The following TNFRSF1B variants were observed in gnomAD, a reference collection of about 807,000 sequenced individuals.
The protein encoded by TNFRSF1B is tumor necrosis factor receptor superfamily member 1B.
Under a neutral mutation model 44.6 loss-of-function variants are expected in TNFRSF1B, and 19 were observed. The observed-to-expected ratio is 0.43, with a 90% confidence interval of 0.30 to 0.62. The LOEUF (loss-of-function observed/expected upper bound fraction) is 0.62, where lower values mean the gene tolerates loss of function less well. TNFRSF1B is among the 20% of genes least tolerant of loss of function. The probability of loss-of-function intolerance (pLI) is 0.16; values close to 1 mark genes in which losing one functional copy is unlikely to be tolerated. For synonymous variants in TNFRSF1B, 252 were observed against 261.1 expected, an observed-to-expected ratio of 0.97 and a Z score of 0.34; for missense variants, 541 against 619.9, an observed-to-expected ratio of 0.87 and a Z score of 1.35.
chr1:12,194,114 C>A, intron 7 of TNFRSF1B, 82 bp downstream of exon 7: 2 of 1,156,002 alleles, frequency 1.7e-6, no homozygotes, highest in Non-Finnish European at 2.6e-6. Flanking sequence ...GCACTGGGCA[C>A]AGCCTTAGGG....
At position 12,207,175 on chromosome 1, in the gene TNFRSF1B, C is replaced by A; in HGVS notation, c.*155C>A. The A allele has an allele frequency of 1.4e-6, 1 of 725,554 alleles. No individual in the cohort carries two copies. Among genetic ancestry groups the A allele is most frequent in the Non-Finnish European group, 2.1e-6 (1 of 483,440 alleles). The allele number at this position is 725,554 out of a possible 1,614,324, so 44.9% of individuals were successfully genotyped here. On this transcript the variant is annotated 3_prime_UTR_variant, in exon 10 of 10. Transcript: ENST00000376259. ...TAGTGCCCTCCACAGCCGCAGCCTC[C>A]CTCTGACCTGCAGGCCAAGAGCAGA... is the stretch of plus-strand genomic sequence containing the variant.
chr1:12,184,243 C>T (rs1051945049), intron 1 of TNFRSF1B, among the ~76,000 whole-genome samples: 17 of 152,220 alleles, frequency 1.1e-4, no homozygotes, highest in African/African-American at 3.6e-4. Flanking sequence ...TTGGGCCCAG[C>T]CCCCTGCTCC....
At position 12,169,777 on chromosome 1, in the gene TNFRSF1B, A is replaced by G. The variant is rs1336963998; in HGVS notation, c.78+2608A>G. Among the ~76,000 whole-genome samples the G allele has an allele frequency of 4.6e-5, 7 of 152,268 alleles. No individual in the cohort carries two copies. The highest frequency in any genetic ancestry group is 4.1e-4 in the South Asian group (2 of 4,838). ...ACAAAGAAATGCCAGTAAACCTGGC[A>G]GTAGGTGAGTGCTTGGTGCCCTCTG... On this transcript the variant is annotated intron_variant, in intron 1 of 9. Transcript: ENST00000376259. The surrounding 1 kb of genome is among the most constrained non-coding windows in gnomAD (Gnocchi z 4.5).
At chr1:12,203,659 G>T (rs1326916160) in intron 9 of TNFRSF1B, among the ~76,000 whole-genome samples, 1 of 152,220 alleles carries the variant, frequency 6.6e-6, no homozygotes, top group East Asian at 1.9e-4. Context: ...ACTGTTGAAT[G>T]AATGAATGAA....
At chr1:12,194,126 T>A (rs1639213498) in intron 7 of TNFRSF1B, 94 bp downstream of exon 7, 2 of 1,031,324 alleles carry the variant, frequency 1.9e-6, no homozygotes, top group Non-Finnish European at 3.0e-6. Flanking sequence ...GCCTTAGGGG[T>A]CAGACAGAGC....
intron 9 of TNFRSF1B, 132 bp downstream of exon 9, chr1:12,202,303 CG>C: frequency 1.3e-5 from 18 of 1,371,682 alleles, no homozygotes; most frequent in Non-Finnish European, 1.6e-5. Flanking sequence ...GAACTTCCTT[CG>C]GTTCGCTGAA....
rs595254 is a variant in TNFRSF1B, at chr1:12,168,753, G to C, written c.78+1584G>C. On this transcript the variant is annotated intron_variant, in intron 1 of 9. Transcript: ENST00000376259. This position sits in a 1 kb window ranked among gnomAD's most constrained non-coding sequence, Gnocchi z 4.7. ...CTCCTCCCTCATCCCTGCTCCCCACGACCCCACCCGGACTATTGCCGCAGC... is the reference window on the plus strand; with the variant it reads ...CTCCTCCCTCATCCCTGCTCCCCACCACCCCACCCGGACTATTGCCGCAGC... Among the ~76,000 whole-genome samples the C allele has an allele frequency of 0.11, 16,973 of 151,810 alleles. 2,398 individuals are homozygous for C. The highest frequency in any genetic ancestry group is 0.34 in the African/African-American group (13,879 of 41,308).
In TNFRSF1B at chr1:12,199,578, C is replaced by T; in HGVS notation, c.901-2389C>T. ...AAGGGTGCAGGTGGCGCTCAGGTGTCCGAGAAGCCATGGGAGCCGGGGGCT... is the reference window on the plus strand; with the variant it reads ...AAGGGTGCAGGTGGCGCTCAGGTGTTCGAGAAGCCATGGGAGCCGGGGGCT... On this transcript the variant is annotated intron_variant, in intron 8 of 9. Transcript: ENST00000376259. The surrounding 1 kb of genome is among the most constrained non-coding windows in gnomAD (Gnocchi z 4.0). Among the ~76,000 whole-genome samples the T allele has an allele frequency of 6.6e-6, 1 of 152,174 alleles. No homozygotes were observed.
chr1:12,185,677 C>T lies in TNFRSF1B; in HGVS notation c.79-3119C>T, dbSNP rs1031802399. On this transcript the variant is annotated intron_variant, in intron 1 of 9. Coordinates refer to ENST00000376259, the MANE Select transcript of TNFRSF1B (RefSeq NM_001066.3). ...AGCTGATGGGCCTGGGGTGGGCCTC[C>T]GGGGCAGGCCAGGGTGGAAAGTGCA... Among the ~76,000 whole-genome samples, 7 of 152,300 alleles carry T rather than the reference C, an allele frequency of 4.6e-5. No homozygotes were observed. The South Asian group carries it at 6.2e-4, about 14-fold the overall frequency.
chr1:12,201,885 G>A, intron 8 of TNFRSF1B, 82 bp from the exon 9 acceptor site: 1 of 1,490,616 alleles, frequency 6.7e-7, no homozygotes, highest in Non-Finnish European at 9.0e-7. Context: ...CAGGAGGTGT[G>A]GATGGCAGTG....
intron 8 of TNFRSF1B, 79 bp from the exon 9 acceptor site, chr1:12,201,888 T>C: frequency 2.0e-6 from 3 of 1,495,068 alleles, no homozygotes; most frequent in Non-Finnish European, 1.8e-6. Context: ...GAGGTGTGGA[T>C]GGCAGTGGGA....
At chr1:12,194,831 T>G (rs886188507) in intron 8 of TNFRSF1B, among the ~76,000 whole-genome samples, 1 of 152,232 alleles carries the variant, frequency 6.6e-6, no homozygotes, top group Admixed American at 6.5e-5. Flanking sequence ...AGAGAGCAGA[T>G]GCCTTCGTGG....
rs561371911 is a variant in TNFRSF1B at position 12,194,448 on chromosome 1, C to A, written c.866-136C>A. 6 of 860,734 alleles carry A rather than the reference C, an allele frequency of 7.0e-6. No homozygotes were observed. In the African/African-American group the frequency reaches 8.4e-5, roughly 12 times the overall value. The allele number at this position is 860,734 out of a possible 1,614,324, so 53.3% of individuals were successfully genotyped here. A position where few individuals can be genotyped will look rare whatever the true frequency, so the allele number is the denominator to read the frequency against. ...GGAGTTGGGTGGGGGCTTCTGTGGA[C>A]CTTGTCTGGTAGGCGATTGGTCCCC... On this transcript the variant is annotated intron_variant, in intron 7 of 9. Coordinates refer to ENST00000376259, the MANE Select transcript of TNFRSF1B (RefSeq NM_001066.3).
intron 1 of TNFRSF1B, among the ~76,000 whole-genome samples, chr1:12,182,737 T>G (rs2101090994): frequency 6.6e-6 from 1 of 152,346 alleles, no homozygotes; most frequent in Non-Finnish European, 1.5e-5. Flanking sequence ...ACATAGTAGT[T>G]GCTTAGCAAA....
intron 2 of TNFRSF1B, among the ~76,000 whole-genome samples, chr1:12,190,119 A>G (rs1449001317): frequency 6.6e-6 from 1 of 152,138 alleles, no homozygotes; most frequent in Non-Finnish European, 1.5e-5. Flanking sequence ...TGGGCATATG[A>G]GTACCTGTCA....
chr1:12,202,164 G>A lies in TNFRSF1B; in HGVS notation c.1098G>A (p.Gly366=). Residue 366 remains glycine, a synonymous_variant, in exon 9 of 10, where the codon GGG becomes GGA. Coordinates refer to ENST00000376259, the MANE Select transcript of TNFRSF1B (RefSeq NM_001066.3). ...SGAGEARAST[G]SSDSSPGGHG... Reference sequence around the variant, plus strand: ...CCGGGGAGGCCCGGGCCAGCACCGGGAGCTCAGGTAAGAGGTGGGAGCACA... The same window carrying A: ...CCGGGGAGGCCCGGGCCAGCACCGGAAGCTCAGGTAAGAGGTGGGAGCACA... 6.5e-7 allele frequency: 1 copy of A among 1,547,274 alleles called. No individual in the cohort carries two copies. The highest frequency in any genetic ancestry group is 8.7e-7 in the Non-Finnish European group (1 of 1,147,760).
intron 3 of TNFRSF1B, 33 bp from the exon 4 acceptor site, chr1:12,191,741 G>T: frequency 6.2e-7 from 1 of 1,611,596 alleles, no homozygotes; most frequent in Non-Finnish European, 8.5e-7. Context: ...GCGGAGGCAG[G>T]CGTGACCGTT....
rs1193404009 is a variant in TNFRSF1B at position 12,206,860 on chromosome 1, A to G, written c.1226A>G (p.Asp409Gly). 1 of 1,614,250 alleles carries G rather than the reference A, an allele frequency of 6.2e-7. No homozygotes were observed. ...GCCAGCTCCACAATGGGAGACACAG[A>G]TTCCAGCCCCTCGGAGTCCCCGAAG... ...SQASSTMGDT[D>G]SSPSESPKDE... The change falls in exon 10 of 10, where the codon GAT (aspartate) becomes GGT (glycine). Residue 409 changes from aspartate (D) to glycine (G), a missense_variant. Transcript: ENST00000376259.
chr1:12,190,648 T>C (rs1393627573), intron 2 of TNFRSF1B, among the ~76,000 whole-genome samples: 1 of 152,096 alleles, frequency 6.6e-6, no homozygotes, highest in Non-Finnish European at 1.5e-5. Flanking sequence ...ATTAGCCATC[T>C]ATCAAGAAGG....
Sources: allele counts gnomAD v4.1 joint callset (sites outside exome capture counted in the v4.1 genomes callset), GRCh38; gene constraint gnomAD v4.1.1; non-coding constraint Gnocchi (gnomAD v3.1); transcripts MANE v1.5; gene names NCBI Gene and HGNC (gene_info 2026-07-23, HGNC 2026-07-21).